The following ARID4A variants were observed in gnomAD, a reference collection of about 807,000 sequenced individuals.
ARID4A encodes the protein AT-rich interaction domain 4A.
A neutral mutation model predicts 148.6 loss-of-function variants in ARID4A; 39 were observed. That is an observed-to-expected ratio of 0.26 (90% CI 0.20 to 0.34). The LOEUF is 0.34. Among genes scored for constraint, ARID4A ranks in the 10% least tolerant of loss-of-function variants. The pLI is 1.00. For synonymous variants in ARID4A, 475 were observed against 481.2 expected, an observed-to-expected ratio of 0.99 and a Z score of 0.17; for missense variants, 1,265 against 1,449.1, an observed-to-expected ratio of 0.87 and a Z score of 2.06.
At chr14:58,319,549 TTTTTTTTTTTTG>T (rs1297850319) in intron 7 of ARID4A, among the ~76,000 whole-genome samples, 23 of 72,462 alleles carry the variant, frequency 3.2e-4, no homozygotes, top group Admixed American at 5.1e-4. Context: ...TTTTTTTTTT[TTTTTTTTTTTTG>T]GTGAGATGGA....
At chr14:58,339,155 T>G (rs2033983812) in intron 11 of ARID4A, among the ~76,000 whole-genome samples, 1 of 151,622 alleles carries the variant, frequency 6.6e-6, no homozygotes, top group Admixed American at 6.6e-5. Context: ...TTATTTTTTT[T>G]TTATAGAGAC....
intron 9 of ARID4A, among the ~76,000 whole-genome samples, chr14:58,328,530 A>ATTAAT (rs1368062362): frequency 6.6e-6 from 1 of 152,166 alleles, no homozygotes; most frequent in African/African-American, 2.4e-5. Context: ...TGAGAACAAT[A>ATTAAT]TTAAGAACAG....
intron 8 of ARID4A, 38 bp downstream of exon 8, chr14:58,323,655 A>G (rs1019504722): frequency 2.7e-5 from 41 of 1,535,420 alleles, no homozygotes; most frequent in Non-Finnish European, 3.6e-5. Context: ...TCAGCCGTCT[A>G]AATATTTGTT....
At chr14:58,299,707 C>G (rs2030962067) in intron 1 of ARID4A, 91 bp from the exon 2 acceptor site, 1 of 1,132,124 alleles carries the variant, frequency 8.8e-7, no homozygotes, top group Non-Finnish European at 1.3e-6. Flanking sequence ...GATTCTGCCC[C>G]TCCCCGCTGG....
chr14:58,368,717 AAATATCT>A (rs2035468145), intron 23 of ARID4A, among the ~76,000 whole-genome samples: 2 of 152,234 alleles, frequency 1.3e-5, no homozygotes, highest in African/African-American at 2.4e-5. Context: ...GTACATAATG[AAATATCT>A]TGGTGATGGG....
At chr14:58,317,394 C>T (rs1288037786) in intron 5 of ARID4A, among the ~76,000 whole-genome samples, 2 of 147,966 alleles carry the variant, frequency 1.4e-5, no homozygotes, top group Non-Finnish European at 3.0e-5. Context: ...ACGCCATTCT[C>T]CCGCCTCAGC....
chr14:58,317,793 T>C (rs912018218), intron 5 of ARID4A, among the ~76,000 whole-genome samples: 4 of 151,734 alleles, frequency 2.6e-5, no homozygotes, highest in African/African-American at 9.7e-5. Context: ...CCACCACGCC[T>C]GCCCTACAAA....
intron 12 of ARID4A, 86 bp downstream of exon 12, chr14:58,344,853 AG>A: frequency 1.0e-6 from 1 of 969,516 alleles, no homozygotes; most frequent in Non-Finnish European, 1.6e-6. Flanking sequence ...TTAGTATTGC[AG>A]ATAAACAGTT....
intron 15 of ARID4A, among the ~76,000 whole-genome samples, chr14:58,349,238 C>A (rs971218701): frequency 6.6e-6 from 1 of 152,250 alleles, no homozygotes; most frequent in East Asian, 1.9e-4. Context: ...GACATACTTT[C>A]TTTTCATTAC....
intron 11 of ARID4A, among the ~76,000 whole-genome samples, chr14:58,332,552 A>C (rs2033588975): frequency 6.6e-6 from 1 of 152,140 alleles, no homozygotes; most frequent in African/African-American, 2.4e-5. Flanking sequence ...AATCATTGTA[A>C]CTTCTCTTGA....
Position 58,364,919 on chromosome 14 carries a change from G to C in ARID4A, c.2830G>C (p.Glu944Gln), listed in dbSNP as rs1176942897. 1 of 1,614,000 alleles carries C rather than the reference G, an allele frequency of 6.2e-7. No homozygotes were observed. The highest frequency in any genetic ancestry group is 1.3e-5 in the African/African-American group (1 of 74,916). The change falls in exon 20 of 24, where the codon GAA becomes CAA. Residue 944 changes from glutamate (E) to glutamine (Q), a missense_variant. Transcript: ENST00000355431. ...AGAAACTGTAAATATTCCACTAAAA[G>C]AAGATGAGGATGCAATGCCTCTGAT... Reference protein sequence around the residue: ...AEETVNIPLKEDEDAMPLIGP... With the variant: ...AEETVNIPLKQDEDAMPLIGP...
chr14:58,319,960 T>C (rs2140167121), intron 7 of ARID4A, among the ~76,000 whole-genome samples: 1 of 147,796 alleles, frequency 6.8e-6, no homozygotes, highest in East Asian at 2.0e-4. Context: ...TTTTTTTTTT[T>C]TTTTTTGAGA....
intron 15 of ARID4A, among the ~76,000 whole-genome samples, chr14:58,350,503 C>T (rs928330179): frequency 5.3e-5 from 8 of 152,100 alleles, no homozygotes; most frequent in African/African-American, 1.9e-4. Context: ...GTTGGCCCAG[C>T]GAGCTCTCCA....
intron 18 of ARID4A, among the ~76,000 whole-genome samples, chr14:58,360,627 AATTGTACAAT>A (rs2140261812): frequency 6.6e-6 from 1 of 152,288 alleles, no homozygotes; most frequent in Non-Finnish European, 1.5e-5. Flanking sequence ...CAGTATTACA[AATTGTACAAT>A]ATTGTATTTA....
intron 17 of ARID4A, among the ~76,000 whole-genome samples, chr14:58,358,486 T>G (rs1159482864): frequency 6.6e-6 from 1 of 151,994 alleles, no homozygotes; most frequent in African/African-American, 2.4e-5. Flanking sequence ...AAAATAAAAT[T>G]TAAAATAAAT....
In ARID4A at chr14:58,346,423, A is replaced by G. The variant is rs1438000639; in HGVS notation, c.992A>G (p.Asn331Ser). 3.1e-6 allele frequency: 5 copies of G among 1,605,230 alleles called. No individual in the cohort carries two copies. In the African/African-American group the frequency reaches 5.4e-5, roughly 17 times the overall value. Residue 331 changes from asparagine to serine, a missense_variant, in exon 13 of 24, where the codon AAC becomes AGC. Around this residue, in one of 9 missense-constraint regions of ARID4A, gnomAD observed 249 missense variants for 277.2 expected, o/e 0.90. Coordinates refer to ENST00000355431, the MANE Select transcript of ARID4A (RefSeq NM_002892.4). The stretch of plus-strand genomic sequence containing the variant: ...TTACATTGAAAAGGTACTCCAATCA[A>G]CAAACCACCTGTTTTGGGCTATAAA... ...KFMEDRGTPI[N>S]KPPVLGYKDL...
chr14:58,309,848 A>G lies in ARID4A; in HGVS notation c.274+3736A>G, dbSNP rs562201581. On this transcript the variant is annotated intron_variant, in intron 5 of 23. Coordinates refer to ENST00000355431, the MANE Select transcript of ARID4A (RefSeq NM_002892.4). ...AGTTACTGTTTTGAACATCGGTTAT[A>G]TCAGATTTTGTGTAAGTTCTAGTTA... is the stretch of plus-strand genomic sequence containing the variant. Among the ~76,000 whole-genome samples, 68 of 152,324 alleles carry G rather than the reference A, an allele frequency of 4.5e-4. No individual in the cohort carries two copies. In the South Asian group the frequency reaches 7.5e-3, roughly 17 times the overall value.
intron 11 of ARID4A, among the ~76,000 whole-genome samples, chr14:58,333,286 T>TA (rs2033633927): frequency 6.6e-6 from 1 of 152,154 alleles, no homozygotes; most frequent in Non-Finnish European, 1.5e-5. Context: ...GAAAAGATAT[T>TA]ACTGGATTTT....
chr14:58,364,287 A>G lies in ARID4A; in HGVS notation c.2198A>G (p.Asp733Gly). ...GAAAATTTGAATGATGATAAGCTAG[A>G]TGAAGAAAATCCAAAGATTTCTGCA... ...KNENLNDDKL[D>G]EENPKISAHI... is the part of the protein sequence containing the mutation. Residue 733 changes from aspartate (D) to glycine (G), a missense_variant, in exon 20 of 24, where the codon GAT becomes GGT. Around this residue, in one of 9 missense-constraint regions of ARID4A, gnomAD observed 666 missense variants for 730.9 expected, o/e 0.91. Transcript: ENST00000355431. 6.4e-7 allele frequency: 1 copy of G among 1,561,936 alleles called. No homozygotes were observed. The highest frequency in any genetic ancestry group is 8.6e-7 in the Non-Finnish European group (1 of 1,164,380).
Sources: allele counts gnomAD v4.1 joint callset (sites outside exome capture counted in the v4.1 genomes callset), GRCh38; gene constraint gnomAD v4.1.1; regional missense constraint gnomAD v4.1.1; transcripts MANE v1.5; gene names NCBI Gene and HGNC (gene_info 2026-07-23, HGNC 2026-07-21).